The following CTNND2 variants were observed in gnomAD, a reference collection of about 807,000 sequenced individuals.
CTNND2 encodes catenin delta-2.
A neutral mutation model predicts 144.4 loss-of-function variants in CTNND2; 22 were observed. That is an observed-to-expected ratio of 0.15 (90% CI 0.11 to 0.22). CTNND2 has a LOEUF of 0.22. Ranked by LOEUF, CTNND2 falls within the 10% of genes least tolerant of loss-of-function variation. The pLI, the probability that CTNND2 is intolerant of heterozygous loss-of-function variation, is 1.00. For missense variants in CTNND2, 1,353 were observed against 1,618.8 expected, an observed-to-expected ratio of 0.84 and a Z score of 2.82; for synonymous variants, 751 against 695.6, an observed-to-expected ratio of 1.08 and a Z score of -1.25.
intron 3 of CTNND2, among the ~76,000 whole-genome samples, chr5:11,450,626 G>T (rs542118082): frequency 6.6e-6 from 1 of 152,138 alleles, no homozygotes; most frequent in Non-Finnish European, 1.5e-5. Context: ...CAGGCTGGGC[G>T]TGGTGGCTCA....
intron 1 of CTNND2, among the ~76,000 whole-genome samples, chr5:11,894,981 G>A (rs1268110528): frequency 5.9e-5 from 9 of 152,148 alleles, no homozygotes; most frequent in African/African-American, 2.2e-4. Context: ...TATGGGGTGG[G>A]GCTGGGGAGA....
intron 3 of CTNND2, among the ~76,000 whole-genome samples, chr5:11,437,366 G>A (rs544787864): frequency 6.6e-6 from 1 of 152,308 alleles, no homozygotes; most frequent in Middle Eastern, 3.4e-3. Context: ...GCCCACCACG[G>A]TGCCAGGAAT....
chr5:11,465,516 A>T (rs576997395), intron 3 of CTNND2, among the ~76,000 whole-genome samples: 2 of 152,218 alleles, frequency 1.3e-5, no homozygotes, highest in Non-Finnish European at 2.9e-5. Context: ...GCAGACAAAC[A>T]AAAGTGACAC....
chr5:11,554,298 G>A (rs996497194), intron 3 of CTNND2, among the ~76,000 whole-genome samples: 2 of 152,108 alleles, frequency 1.3e-5, no homozygotes, highest in Non-Finnish European at 2.9e-5. Flanking sequence ...AGGAAAAGAA[G>A]CAGAATATCA....
intron 16 of CTNND2, among the ~76,000 whole-genome samples, chr5:11,056,820 C>A (rs1746395257): frequency 6.6e-6 from 1 of 152,214 alleles, no homozygotes; most frequent in Non-Finnish European, 1.5e-5. Context: ...ATATGTGATG[C>A]TCAGCCTGGG....
chr5:11,771,748 A>C (rs1789955543), intron 1 of CTNND2, among the ~76,000 whole-genome samples: 1 of 152,188 alleles, frequency 6.6e-6, no homozygotes, highest in Non-Finnish European at 1.5e-5. Context: ...TTGAATATTT[A>C]AGTTTTCTCT....
At chr5:11,132,538 G>C (rs773957068) in intron 12 of CTNND2, among the ~76,000 whole-genome samples, 6 of 152,150 alleles carry the variant, frequency 3.9e-5, no homozygotes, top group African/African-American at 1.4e-4. Context: ...ACCCAGGAGA[G>C]AGTCCTCACT....
chr5:11,474,160 T>C (rs1328785290), intron 3 of CTNND2, among the ~76,000 whole-genome samples: 2 of 147,552 alleles, frequency 1.4e-5, no homozygotes, highest in Non-Finnish European at 2.9e-5. Flanking sequence ...ATTCCACCCA[T>C]GTGAGATTAG....
At chr5:11,147,434 C>T (rs1330834953) in intron 12 of CTNND2, among the ~76,000 whole-genome samples, 1 of 152,078 alleles carries the variant, frequency 6.6e-6, no homozygotes, top group Admixed American at 6.5e-5. Flanking sequence ...ACGTATAGAA[C>T]AACGGAAAAG....
chr5:11,888,765 T>A (rs970435933), intron 1 of CTNND2, among the ~76,000 whole-genome samples: 6 of 150,988 alleles, frequency 4.0e-5, no homozygotes, highest in African/African-American at 1.5e-4. Flanking sequence ...TTTTTTTTTT[T>A]AGATGGAATC....
chr5:11,656,710 C>A (rs1332648818), intron 2 of CTNND2, among the ~76,000 whole-genome samples: 1 of 152,148 alleles, frequency 6.6e-6, no homozygotes. Flanking sequence ...AGATGCACAA[C>A]TACCAGCTTT....
Position 11,810,247 on chromosome 5 carries a change from G to C in CTNND2, c.38-77975C>G, listed in dbSNP as rs1390376726. Reference sequence around the variant, plus strand: ...GTTGACATCTGAGCTACCACGTTAAGTTAAATTGCTAAGATTATGACGTAA... The same window carrying C: ...GTTGACATCTGAGCTACCACGTTAACTTAAATTGCTAAGATTATGACGTAA... On this transcript the variant is annotated intron_variant, in intron 1 of 21. Transcript: ENST00000304623. 3.3e-5 allele frequency among the ~76,000 whole-genome samples: 5 copies of C among 152,206 alleles called. No individual in the cohort carries two copies. The East Asian group carries it at 9.7e-4, about 29-fold the overall frequency.
intron 2 of CTNND2, among the ~76,000 whole-genome samples, chr5:11,627,663 C>T (rs1198184207): frequency 6.6e-6 from 1 of 151,672 alleles, no homozygotes; most frequent in African/African-American, 2.4e-5. Flanking sequence ...CACCAGGGAC[C>T]AGTTTCATGG....
intron 2 of CTNND2, among the ~76,000 whole-genome samples, chr5:11,571,079 T>C (rs1479342927): frequency 2.0e-5 from 3 of 152,228 alleles, no homozygotes; most frequent in Non-Finnish European, 4.4e-5. Context: ...TTCTTTTAAT[T>C]TGCATCTGGT....
At chr5:11,655,718 G>A (rs2727594) in intron 2 of CTNND2, among the ~76,000 whole-genome samples, 27,578 of 151,974 alleles carry the variant, frequency 0.18, 4,417 homozygotes, top group African/African-American at 0.43. Context: ...CAGAGCGTAG[G>A]AATCAAATAA....
At chr5:11,742,662 A>ATTAGAAATAT (rs1788082103) in intron 1 of CTNND2, among the ~76,000 whole-genome samples, 1 of 152,192 alleles carries the variant, frequency 6.6e-6, no homozygotes, top group African/African-American at 2.4e-5. Flanking sequence ...AGAACATCCC[A>ATTAGAAATAT]GGTATTGTTA....
chr5:11,789,840 AT>A (rs369048096), intron 1 of CTNND2, among the ~76,000 whole-genome samples: 1 of 152,198 alleles, frequency 6.6e-6, no homozygotes, highest in African/African-American at 2.4e-5. Flanking sequence ...TAATATTCTG[AT>A]TGGTAACTCC....
chr5:11,689,934 C>T (rs1433266382), intron 2 of CTNND2, among the ~76,000 whole-genome samples: 2 of 152,192 alleles, frequency 1.3e-5, no homozygotes, highest in African/African-American at 4.8e-5. Context: ...AGTAAATGAG[C>T]AACATGAATG....
chr5:11,183,131 C>T (rs1221356915), intron 11 of CTNND2, among the ~76,000 whole-genome samples: 1 of 152,122 alleles, frequency 6.6e-6, no homozygotes, highest in African/African-American at 2.4e-5. Flanking sequence ...GAAGTTTATA[C>T]ATGACAAAAA....
Sources: allele counts gnomAD v4.1 joint callset (sites outside exome capture counted in the v4.1 genomes callset), GRCh38; gene constraint gnomAD v4.1.1; transcripts MANE v1.5; gene names NCBI Gene and HGNC (gene_info 2026-07-23, HGNC 2026-07-21).